Variants in SNRNP70 observed in about 807,000 individuals in gnomAD.
SNRNP70 encodes the protein U1 small nuclear ribonucleoprotein 70 kDa.
In SNRNP70, 8 loss-of-function variants were observed where a neutral mutation model predicts 50.5. The ratio of observed to expected loss-of-function variants is 0.16; its 90% CI spans 0.09 to 0.29. The LOEUF (loss-of-function observed/expected upper bound fraction) is 0.29, where lower values mean the gene tolerates loss of function less well. Ranked by LOEUF, SNRNP70 falls within the 10% of genes least tolerant of loss-of-function variation. SNRNP70 has a pLI of 1.00. For missense variants in SNRNP70, 529 were observed against 663.5 expected, an observed-to-expected ratio of 0.80 and a Z score of 2.23; for synonymous variants, 320 against 252.9, an observed-to-expected ratio of 1.27 and a Z score of -2.52.
In SNRNP70 at chr19:49,107,033, C is replaced by T. The variant is rs540053724; in HGVS notation, c.578-592C>T. 5.9e-5 allele frequency among the ~76,000 whole-genome samples: 9 copies of T among 152,206 alleles called. No homozygotes were observed. The highest frequency in any genetic ancestry group is 1.9e-4 in the East Asian group (1 of 5,172). ...TCCCGAGAAAGGATGTTCGGGCTAG[C>T]GTTAAGGGTGAGCGTGAGTTCACCA... On this transcript the variant is annotated intron_variant, in intron 8 of 9. Coordinates refer to ENST00000598441, the MANE Select transcript of SNRNP70 (RefSeq NM_003089.6). This position sits in a 1 kb window ranked among gnomAD's most constrained non-coding sequence, Gnocchi z 6.0.
chr19:49,100,348 C>A (rs1261054672), intron 6 of SNRNP70, among the ~76,000 whole-genome samples: 1 of 152,268 alleles, frequency 6.6e-6, no homozygotes, highest in Admixed American at 6.5e-5. Context: ...CACCATCTGG[C>A]CTTCCAGGGC....
At chr19:49,085,804 C>T (rs2040370322) in intron 1 of SNRNP70, among the ~76,000 whole-genome samples, 168 bp downstream of exon 1, 1 of 152,244 alleles carries the variant, frequency 6.6e-6, no homozygotes, top group African/African-American at 2.4e-5. Flanking sequence ...CACCCACGCC[C>T]GCTTCCCACA....
At chr19:49,090,095 G>A (rs2040429469) in intron 2 of SNRNP70, among the ~76,000 whole-genome samples, 196 bp from the exon 3 acceptor site, 3 of 151,876 alleles carry the variant, frequency 2.0e-5, no homozygotes, top group African/African-American at 7.3e-5. Context: ...ACAAGTGGAA[G>A]CCACTGTGCG....
At chr19:49,097,418 C>T (rs1280731335) in intron 4 of SNRNP70, among the ~76,000 whole-genome samples, 3 of 152,130 alleles carry the variant, frequency 2.0e-5, no homozygotes, top group Non-Finnish European at 2.9e-5. Context: ...GTCTAATGTT[C>T]CATTATTGGA....
At chr19:49,094,367 C>T (rs1210769701) in intron 4 of SNRNP70, among the ~76,000 whole-genome samples, 3 of 151,764 alleles carry the variant, frequency 2.0e-5, no homozygotes, top group Non-Finnish European at 4.4e-5. Context: ...GGTGTGGTAG[C>T]AGGGGCCTCT....
intron 2 of SNRNP70, 26 bp from the exon 3 acceptor site, chr19:49,090,265 C>T: frequency 6.2e-7 from 1 of 1,609,638 alleles, no homozygotes; most frequent in Non-Finnish European, 8.5e-7. Context: ...TCCTTCCCAC[C>T]CTGTCACCTC....
At chr19:49,088,035 G>A (rs2040403300) in intron 2 of SNRNP70, among the ~76,000 whole-genome samples, 2 of 151,678 alleles carry the variant, frequency 1.3e-5, no homozygotes, top group South Asian at 4.2e-4. Context: ...GGGATTACAG[G>A]CATGCACCAC....
At chr19:49,101,578 C>CGATGT (rs2040587104) in intron 7 of SNRNP70, 107 bp downstream of exon 7, 1 of 736,342 alleles carries the variant, frequency 1.4e-6, no homozygotes, top group Non-Finnish European at 2.5e-6. Context: ...CTGACATTAG[C>CGATGT]GATGTCTCTT....
In SNRNP70 at chr19:49,107,905, C is replaced by G; in HGVS notation, c.776C>G (p.Ser259Cys). ...DKERERRRSR[S>C]RDRRRRSRSR... Reference sequence around the variant, plus strand: ...GAGCGAGAACGGCGACGCTCCCGCTCCCGGGACCGGCGGAGGCGCTCACGG... The same window carrying G: ...GAGCGAGAACGGCGACGCTCCCGCTGCCGGGACCGGCGGAGGCGCTCACGG... The change falls in exon 10 of 10, where the codon TCC becomes TGC. Residue 259 changes from serine (S) to cysteine (C), a missense_variant. By Grantham distance (112) the Ser-to-Cys change is moderately radical. Coordinates refer to ENST00000598441, the MANE Select transcript of SNRNP70 (RefSeq NM_003089.6). This position sits in a 1 kb window ranked among gnomAD's most constrained non-coding sequence, Gnocchi z 6.0. 2 of 1,548,166 alleles carry G rather than the reference C, an allele frequency of 1.3e-6. No individual in the cohort carries two copies. The highest frequency in any genetic ancestry group is 1.2e-5 in the South Asian group (1 of 84,104).
At chr19:49,106,097 G>C (rs564316615) in intron 8 of SNRNP70, among the ~76,000 whole-genome samples, 1 of 152,288 alleles carries the variant, frequency 6.6e-6, no homozygotes, top group East Asian at 1.9e-4. Flanking sequence ...CCTGTGTCCT[G>C]GCTCTGGACT....
At chr19:49,094,480 CAG>C (rs1479630734) in intron 4 of SNRNP70, among the ~76,000 whole-genome samples, 5 of 152,016 alleles carry the variant, frequency 3.3e-5, no homozygotes, top group African/African-American at 1.2e-4. Flanking sequence ...GCCGGGGTGA[CAG>C]AGCAAGACTC....
intron 4 of SNRNP70, among the ~76,000 whole-genome samples, chr19:49,094,734 C>T (rs1173274291): frequency 6.6e-6 from 1 of 152,172 alleles, no homozygotes; most frequent in East Asian, 1.9e-4. Context: ...ATGAACAGCT[C>T]CCGTCAAGGG....
intron 2 of SNRNP70, 27 bp downstream of exon 2, chr19:49,086,588 G>A (rs1203463415): frequency 1.2e-6 from 2 of 1,610,390 alleles, no homozygotes; most frequent in Non-Finnish European, 8.5e-7. Flanking sequence ...GGCCAGGAAT[G>A]GTTTGGGTTC....
rs753992912 is a variant in SNRNP70, at chr19:49,090,273, C to T, written c.148-18C>T. On this transcript the variant is annotated intron_variant, in intron 2 of 9. Coordinates refer to ENST00000598441, the MANE Select transcript of SNRNP70 (RefSeq NM_003089.6). ...CCCCCAGTCCTTCCCACCCTGTCACCTCTCTTCTTGTTCCCAGGACCCTCG... is the reference window on the plus strand; with the variant it reads ...CCCCCAGTCCTTCCCACCCTGTCACTTCTCTTCTTGTTCCCAGGACCCTCG... 5.6e-6 allele frequency: 9 copies of T among 1,612,506 alleles called. No homozygotes were observed. The highest frequency in any genetic ancestry group is 7.6e-6 in the Non-Finnish European group (9 of 1,179,194).
intron 2 of SNRNP70, among the ~76,000 whole-genome samples, chr19:49,088,065 A>AT (rs1177120535): frequency 1.4e-5 from 2 of 145,098 alleles, no homozygotes. Context: ...CTAATTTTGT[A>AT]TTTTTAGTAG....
chr19:49,090,652 A>G, intron 4 of SNRNP70, 132 bp downstream of exon 4: 1 of 809,594 alleles, frequency 1.2e-6, no homozygotes, highest in East Asian at 2.7e-5. Context: ...TCATTTGTTT[A>G]GCCCCTGCCA....
rs142330940 is a variant in SNRNP70 at position 49,085,490 on chromosome 19, C to A, written c.-157C>A. 1 of 452,794 alleles carries A rather than the reference C, an allele frequency of 2.2e-6. No homozygotes were observed. Among genetic ancestry groups the A allele is most frequent in the Non-Finnish European group, 4.4e-6 (1 of 224,786 alleles). 28.0% of individuals were successfully genotyped at this position (452,794 alleles called of 1,614,324 possible). On this transcript the variant is annotated 5_prime_UTR_variant, in exon 1 of 10. The change creates a new upstream start codon in the 5' untranslated region. Coordinates refer to ENST00000598441, the MANE Select transcript of SNRNP70 (RefSeq NM_003089.6). The stretch of plus-strand genomic sequence containing the variant: ...GCCGCGCGGGTGGCTGAGCAGCGGC[C>A]TGGTGCGCTCGCTTAGCGGGCGACG...
intron 6 of SNRNP70, among the ~76,000 whole-genome samples, chr19:49,099,942 G>GTATATA (rs2040561601): frequency 6.7e-6 from 1 of 149,190 alleles, no homozygotes; most frequent in Non-Finnish European, 1.5e-5. Flanking sequence ...ATGTGCATGT[G>GTATATA]TATATATGTG....
In SNRNP70 at chr19:49,085,539, C is replaced by T. The variant is rs1372891463; in HGVS notation, c.-108C>T. The T allele has an allele frequency of 4.4e-6, 2 of 455,874 alleles. No individual in the cohort carries two copies. Among genetic ancestry groups the T allele is most frequent in the Non-Finnish European group, 8.8e-6 (2 of 226,760 alleles). 28.2% of individuals were successfully genotyped at this position (455,874 alleles called of 1,614,324 possible). On this transcript the variant is annotated 5_prime_UTR_variant, in exon 1 of 10. Transcript: ENST00000598441. Reference sequence around the variant, plus strand: ...CGGAATCAGACGGACGTGGACGCCCCCGGAGTGGAAGCCGAAGCAGGAGTT... The same window carrying T: ...CGGAATCAGACGGACGTGGACGCCCTCGGAGTGGAAGCCGAAGCAGGAGTT...
Sources: gnomAD v4.1 joint callset for allele counts (sites outside exome capture counted in the v4.1 genomes callset) on GRCh38, gnomAD v4.1.1 for gene constraint, Gnocchi (gnomAD v3.1) non-coding constraint, MANE v1.5 for transcripts, NCBI Gene and HGNC (gene_info 2026-07-23, HGNC 2026-07-21) for gene names.